The following PCDH15 variants were observed in gnomAD, a reference collection of about 807,000 sequenced individuals.
PCDH15 encodes the protein protocadherin-15.
In PCDH15, 129 loss-of-function variants were observed where a neutral mutation model predicts 178.5. That is an observed-to-expected ratio of 0.72 (90% confidence interval 0.63 to 0.84). PCDH15 has a LOEUF of 0.84. PCDH15 is among the 40% of genes least tolerant of loss of function. The probability of loss-of-function intolerance (pLI) is 0.00; values close to 1 mark genes in which losing one functional copy is unlikely to be tolerated. For synonymous variants in PCDH15, 800 were observed against 732.0 expected (o/e 1.09, Z -1.50); for missense variants, 2,230 against 2,099.9 (o/e 1.06, Z -1.21).
intron 2 of PCDH15, among the ~76,000 whole-genome samples, chr10:55,087,132 A>G (rs916912701): frequency 6.6e-6 from 1 of 152,272 alleles, no homozygotes; most frequent in Non-Finnish European, 1.5e-5. Context: ...TCATGAAAAT[A>G]TACTTGTTAA....
intron 1 of PCDH15, among the ~76,000 whole-genome samples, chr10:55,294,182 T>A (rs898417060): frequency 6.6e-6 from 1 of 152,130 alleles, no homozygotes; most frequent in Non-Finnish European, 1.5e-5. Flanking sequence ...GATATCATGA[T>A]ACTTATTCAC....
intron 1 of PCDH15, among the ~76,000 whole-genome samples, chr10:54,764,144 CT>C (rs1463489703): frequency 6.6e-6 from 1 of 151,956 alleles, no homozygotes; most frequent in Admixed American, 6.6e-5. Context: ...GTCTTATAAA[CT>C]TTGTTATGTC....
intron 2 of PCDH15, among the ~76,000 whole-genome samples, chr10:55,106,605 G>A (rs1591907950): frequency 1.3e-5 from 2 of 151,932 alleles, no homozygotes; most frequent in East Asian, 1.9e-4. Context: ...TAATAGAGAC[G>A]GGGTTTCACC....
At chr10:54,113,911 A>G (rs1195213540) in intron 15 of PCDH15, among the ~76,000 whole-genome samples, 2 of 152,160 alleles carry the variant, frequency 1.3e-5, no homozygotes, top group African/African-American at 4.8e-5. Flanking sequence ...GGAGAAAGGC[A>G]TGTCTTACAC....
In PCDH15 at chr10:53,806,518, A is replaced by G; in HGVS notation, c.*61T>C. ...ATACATTGTTTTCTCAGTGACAATA[A>G]AAAGCACAGTTTATTAAAAATGTAA... On this transcript the variant is annotated 3_prime_UTR_variant, in exon 38 of 38. Transcript: ENST00000644397. 7.4e-7 allele frequency: 1 copy of G among 1,351,524 alleles called. No homozygotes were observed. Among genetic ancestry groups the G allele is most frequent in the Non-Finnish European group, 1.0e-6 (1 of 995,820 alleles). The allele number at this position is 1,351,524 out of a possible 1,614,324, so 83.7% of individuals were successfully genotyped here. A position where few individuals can be genotyped will look rare whatever the true frequency, so the allele number is the denominator to read the frequency against.
At chr10:54,082,423 T>A (rs1313752870) in intron 16 of PCDH15, among the ~76,000 whole-genome samples, 4 of 151,916 alleles carry the variant, frequency 2.6e-5, no homozygotes, top group Non-Finnish European at 5.9e-5. Context: ...TAATTGAGAA[T>A]TCATAAATAT....
intron 2 of PCDH15, among the ~76,000 whole-genome samples, chr10:55,089,988 G>T (rs1187137484): frequency 6.6e-6 from 1 of 151,946 alleles, no homozygotes; most frequent in African/African-American, 2.4e-5. Flanking sequence ...TTTAATAATG[G>T]AGGTTATTAA....
At chr10:55,435,429 A>G (rs112983685) in intron 2 of PCDH15, among the ~76,000 whole-genome samples, 7 of 152,186 alleles carry the variant, frequency 4.6e-5, no homozygotes, top group African/African-American at 1.7e-4. Flanking sequence ...TTTAAAAACA[A>G]ATTAGTGAGA....
chr10:54,766,486 G>C (rs776285825), intron 1 of PCDH15, among the ~76,000 whole-genome samples: 1 of 151,534 alleles, frequency 6.6e-6, no homozygotes, highest in Non-Finnish European at 1.5e-5. Context: ...TCAGCATCTT[G>C]TCAGGCATAA....
chr10:55,354,090 A>T (rs1845012019), intron 2 of PCDH15, among the ~76,000 whole-genome samples: 1 of 152,084 alleles, frequency 6.6e-6, no homozygotes, highest in African/African-American at 2.4e-5. Context: ...CCAAGAATAG[A>T]GTTGGAGCCA....
rs533115912 is a variant in PCDH15 at position 55,127,443 on chromosome 10, A to C, written c.-80+39133T>G. Among the ~76,000 whole-genome samples the C allele has an allele frequency of 2.6e-5, 4 of 152,220 alleles. No homozygotes were observed. In the South Asian group the frequency reaches 8.3e-4, roughly 32 times the overall value. ...GAGAGGCTCTTAAAGACTTTGGACT[A>C]TCATATCCACATATCTATAGAATGG... On this transcript the variant is annotated intron_variant, in intron 2 of 5. Transcript: ENST00000458638.
At chr10:55,495,675 C>T (rs1447709416) in intron 2 of PCDH15, among the ~76,000 whole-genome samples, 1 of 151,716 alleles carries the variant, frequency 6.6e-6, no homozygotes, top group East Asian at 1.9e-4. Flanking sequence ...CTTTAAGAAA[C>T]AAATTTTTCA....
chr10:54,385,676 A>G (rs1274937439), intron 3 of PCDH15, among the ~76,000 whole-genome samples: 1 of 152,162 alleles, frequency 6.6e-6, no homozygotes, highest in Middle Eastern at 3.2e-3. Context: ...AATTTAAAGT[A>G]CTCTCTAACT....
intron 2 of PCDH15, among the ~76,000 whole-genome samples, chr10:55,622,388 A>G (rs1291388838): frequency 4.6e-5 from 7 of 151,670 alleles, no homozygotes; most frequent in Non-Finnish European, 8.8e-5. Flanking sequence ...GGAATTCAAC[A>G]CTGAAAAAGA....
intron 28 of PCDH15, among the ~76,000 whole-genome samples, chr10:53,844,458 A>C (rs1232215977): frequency 6.6e-6 from 1 of 152,018 alleles, no homozygotes; most frequent in East Asian, 1.9e-4. Context: ...AACTTTGACC[A>C]AAAAGAAAAC....
chr10:54,980,838 C>T (rs1245508306), intron 2 of PCDH15, among the ~76,000 whole-genome samples: 2 of 151,786 alleles, frequency 1.3e-5, no homozygotes, highest in Admixed American at 6.6e-5. Context: ...TACCATAAGG[C>T]TCTTGAGTTC....
chr10:55,290,136 T>C (rs1440429150), intron 1 of PCDH15, among the ~76,000 whole-genome samples: 1 of 151,952 alleles, frequency 6.6e-6, no homozygotes, highest in African/African-American at 2.4e-5. Flanking sequence ...GCATCTATCA[T>C]TGTATTACTA....
chr10:55,232,245 T>C (rs954854231), intron 1 of PCDH15, among the ~76,000 whole-genome samples: 8 of 152,146 alleles, frequency 5.3e-5, no homozygotes, highest in South Asian at 2.1e-4. Flanking sequence ...AATTTTATCA[T>C]TCAATTTGTA....
At chr10:54,367,035 A>C (rs1288060964) in intron 5 of PCDH15, among the ~76,000 whole-genome samples, 1 of 152,162 alleles carries the variant, frequency 6.6e-6, no homozygotes, top group Non-Finnish European at 1.5e-5. Flanking sequence ...ATACATGTAA[A>C]TATTGATTAT....
Sources: gnomAD v4.1 joint callset for allele counts (sites outside exome capture counted in the v4.1 genomes callset) on GRCh38, gnomAD v4.1.1 for gene constraint, MANE v1.5 for transcripts, NCBI Gene and HGNC (gene_info 2026-07-23, HGNC 2026-07-21) for gene names.